The following EPB41L4B variants were observed in gnomAD, a reference collection of about 807,000 sequenced individuals.
EPB41L4B encodes the protein band 4.1-like protein 4B.
EPB41L4B carries 30 observed loss-of-function variants against 112.5 expected under a neutral mutation model. The observed-to-expected ratio is 0.27, with a 90% CI of 0.20 to 0.36. EPB41L4B has a LOEUF of 0.36. EPB41L4B is among the 10% of genes least tolerant of loss of function. The pLI is 1.00. For synonymous variants in EPB41L4B, 408 were observed against 439.7 expected (o/e 0.93, Z 0.90); for missense variants, 1,024 against 1,133.3 (o/e 0.90, Z 1.38).
intron 2 of EPB41L4B, among the ~76,000 whole-genome samples, chr9:109,271,150 C>G (rs147116724): frequency 3.9e-4 from 60 of 152,352 alleles, no homozygotes; most frequent in African/African-American, 1.4e-3. Context: ...CACAGGCAGA[C>G]CACAGCCAGA....
intron 1 of EPB41L4B, among the ~76,000 whole-genome samples, chr9:109,302,113 T>A: frequency 6.6e-6 from 1 of 152,158 alleles, no homozygotes; most frequent in East Asian, 1.9e-4. Flanking sequence ...GGTAAAAGCA[T>A]GTAAAAACCA....
intron 19 of EPB41L4B, among the ~76,000 whole-genome samples, chr9:109,200,781 T>TA (rs112135762): frequency 1.3e-4 from 19 of 151,022 alleles, no homozygotes; most frequent in Admixed American, 5.9e-4. Context: ...ATTTTTTTTT[T>TA]AAAAAAAGAT....
At chr9:109,269,905 G>C (rs1564308678) in intron 2 of EPB41L4B, among the ~76,000 whole-genome samples, 1 of 152,186 alleles carries the variant, frequency 6.6e-6, no homozygotes, top group African/African-American at 2.4e-5. Flanking sequence ...GTGGGAGGAA[G>C]GGGATAAGGA....
intron 21 of EPB41L4B, among the ~76,000 whole-genome samples, chr9:109,192,838 G>T (rs1832507773): frequency 6.6e-6 from 1 of 152,172 alleles, no homozygotes; most frequent in African/African-American, 2.4e-5. Context: ...TGGGGTCTTA[G>T]CTGCATGGAT....
chr9:109,213,083 T>C (rs1833240661), intron 17 of EPB41L4B, among the ~76,000 whole-genome samples: 1 of 152,196 alleles, frequency 6.6e-6, no homozygotes, highest in Non-Finnish European at 1.5e-5. Flanking sequence ...TCTGAGACAT[T>C]GAGAAGGTTG....
intron 5 of EPB41L4B, among the ~76,000 whole-genome samples, chr9:109,264,020 C>A (rs1334664043): frequency 6.6e-6 from 1 of 151,668 alleles, no homozygotes; most frequent in Non-Finnish European, 1.5e-5. Flanking sequence ...ATGAGGAGCA[C>A]AGTATGGAGA....
intron 2 of EPB41L4B, among the ~76,000 whole-genome samples, chr9:109,276,315 G>T (rs903596524): frequency 6.6e-6 from 1 of 151,670 alleles, no homozygotes. Flanking sequence ...GGGTGAGGGG[G>T]GGGTCATCTG....
chr9:109,313,014 G>C (rs1189818449), intron 1 of EPB41L4B, among the ~76,000 whole-genome samples: 1 of 152,096 alleles, frequency 6.6e-6, no homozygotes, highest in African/African-American at 2.4e-5. Context: ...GCCGCAGTGG[G>C]AGGATCTCCT....
intron 19 of EPB41L4B, among the ~76,000 whole-genome samples, chr9:109,201,602 T>C (rs1425192770): frequency 6.6e-6 from 1 of 152,084 alleles, no homozygotes; most frequent in Non-Finnish European, 1.5e-5. Context: ...TATAGTCTAT[T>C]GAGGGAGCAC....
chr9:109,316,792 T>C (rs556214422), intron 1 of EPB41L4B, among the ~76,000 whole-genome samples: 86 of 152,240 alleles, frequency 5.6e-4, no homozygotes, highest in South Asian at 1.7e-3. Context: ...CTGCTGACTA[T>C]CCATAGCAAA....
chr9:109,299,454 T>C (rs557265304), intron 1 of EPB41L4B, among the ~76,000 whole-genome samples: 1 of 152,172 alleles, frequency 6.6e-6, no homozygotes, highest in Non-Finnish European at 1.5e-5. Context: ...TTTTTTTCCT[T>C]TATGTTGAGA....
At chr9:109,214,909 G>A (rs973480800) in intron 16 of EPB41L4B, among the ~76,000 whole-genome samples, 9 of 152,210 alleles carry the variant, frequency 5.9e-5, no homozygotes, top group African/African-American at 2.2e-4. Context: ...AGATTGTCCT[G>A]GAGCGGGTGC....
At chr9:109,303,667 T>C (rs1375453320) in intron 1 of EPB41L4B, among the ~76,000 whole-genome samples, 9 of 151,878 alleles carry the variant, frequency 5.9e-5, no homozygotes, top group Non-Finnish European at 1.2e-4. Context: ...TTTTTTTCTT[T>C]TCTTTTCTTT....
intron 15 of EPB41L4B, among the ~76,000 whole-genome samples, chr9:109,222,736 A>G (rs1421757242): frequency 1.3e-5 from 2 of 152,180 alleles, no homozygotes; most frequent in Non-Finnish European, 1.5e-5. Flanking sequence ...TTGAAAAGAA[A>G]TCTAGTGTGG....
At chr9:109,296,871 CA>C (rs748065925) in intron 1 of EPB41L4B, among the ~76,000 whole-genome samples, 2,728 of 69,468 alleles carry the variant, frequency 0.039, 29 homozygotes, top group African/African-American at 0.067. Flanking sequence ...GGCCATGTCT[CA>C]AAAAAAAAAA....
intron 1 of EPB41L4B, among the ~76,000 whole-genome samples, chr9:109,295,416 T>C (rs1396718225): frequency 6.6e-6 from 1 of 152,054 alleles, no homozygotes. Context: ...AATAAGAACA[T>C]CACGATATGG....
In EPB41L4B at chr9:109,253,448, C is replaced by T. The variant is rs568432901; in HGVS notation, c.1272G>A (p.Thr424=). 232 of 1,608,450 alleles carry T rather than the reference C, an allele frequency of 1.4e-4. 2 individuals are homozygous for T. The highest frequency in any genetic ancestry group is 1.4e-3 in the South Asian group (129 of 90,676). Residue 424 remains threonine (T), a synonymous_variant, in exon 12 of 26, where the codon ACG becomes ACA. Coordinates refer to ENST00000374566, the MANE Select transcript of EPB41L4B (RefSeq NM_019114.5). The stretch of plus-strand genomic sequence containing the variant: ...GAATGAAAAACACACAACCTTTGAA[C>T]GTTGAATGTCTCCGGGATGGATAAC... The part of the protein sequence containing the change: ...SKRYPSRRHS[T]FKASNPVIAA...
At chr9:109,257,624 G>T (rs935660128) in intron 7 of EPB41L4B, among the ~76,000 whole-genome samples, 1 of 152,130 alleles carries the variant, frequency 6.6e-6, no homozygotes, top group African/African-American at 2.4e-5. Flanking sequence ...TCCCCCATCC[G>T]CAATAAACAA....
chr9:109,313,135 C>CG (rs772502721), intron 1 of EPB41L4B, among the ~76,000 whole-genome samples: 2 of 152,136 alleles, frequency 1.3e-5, no homozygotes, highest in Admixed American at 6.5e-5. Context: ...TGCTCACCCC[C>CG]GGCACCACCC....
Sources: gnomAD v4.1 joint callset for allele counts (sites outside exome capture counted in the v4.1 genomes callset) on GRCh38, gnomAD v4.1.1 for gene constraint, MANE v1.5 for transcripts, NCBI Gene and HGNC (gene_info 2026-07-23, HGNC 2026-07-21) for gene names.